The following ASPG variants were observed in gnomAD, a reference collection of about 807,000 sequenced individuals.
The protein encoded by ASPG is asparaginase.
ASPG carries 53 observed loss-of-function variants against 63.2 expected under a neutral mutation model. The ratio of observed to expected loss-of-function variants is 0.84; its 90% CI spans 0.67 to 1.05. The LOEUF (loss-of-function observed/expected upper bound fraction) is 1.05, where lower values mean the gene tolerates loss of function less well. Ranked by LOEUF, ASPG falls within the 50% of genes least tolerant of loss-of-function variation. The pLI is 0.00. For missense variants in ASPG, 741 were observed against 794.4 expected, an observed-to-expected ratio of 0.93 and a Z score of 0.81; for synonymous variants, 370 against 355.0, an observed-to-expected ratio of 1.04 and a Z score of -0.48.
rs1250008396 is a variant in ASPG, at chr14:104,114,493, G to C, written c.*1949G>C. The C allele has an allele frequency of 6.6e-6, 1 of 152,298 alleles. No homozygotes were observed. Among genetic ancestry groups the C allele is most frequent in the African/African-American group, 2.4e-5 (1 of 41,448 alleles). The allele number at this position is 152,298 out of a possible 1,614,324, so 9.4% of individuals were successfully genotyped here. A position where few individuals can be genotyped will look rare whatever the true frequency, so the allele number is the denominator to read the frequency against. ...CCGGGACTGGGCCAGTGTCTCAGGA[G>C]GCTGTGAAGAGTCATAGGCTTGAGT... On this transcript the variant is annotated 3_prime_UTR_variant, in exon 16 of 16. Coordinates refer to ENST00000551177, the MANE Select transcript of ASPG (RefSeq NM_001080464.3).
Position 104,093,570 on chromosome 14 carries a change from G to C in ASPG, c.271G>C (p.Ala91Pro). The C allele has an allele frequency of 6.2e-7, 1 of 1,612,118 alleles. No homozygotes were observed. The highest frequency in any genetic ancestry group is 8.5e-7 in the Non-Finnish European group (1 of 1,179,438). Residue 91 changes from alanine to proline, a missense_variant, in exon 3 of 16, where the codon GCT (alanine) becomes CCT (proline). By Grantham distance (27) the Ala-to-Pro change is conservative. Coordinates refer to ENST00000551177, the MANE Select transcript of ASPG (RefSeq NM_001080464.3). ...CTTCGACTCCAGTGACATGACCATC[G>C]CTGAGTGGGTTTGCCTTGCCCAGAC... is the stretch of plus-strand genomic sequence containing the variant. ...PLFDSSDMTIAEWVCLAQTIK... is the reference protein window; with the variant it reads ...PLFDSSDMTIPEWVCLAQTIK...
At chr14:104,102,547 T>G (rs907251809) in intron 6 of ASPG, among the ~76,000 whole-genome samples, 3 of 152,154 alleles carry the variant, frequency 2.0e-5, no homozygotes, top group Non-Finnish European at 4.4e-5. Context: ...CCAGGGTGTT[T>G]ACTGCCCTGG....
intron 12 of ASPG, 49 bp downstream of exon 12, chr14:104,107,394 A>G: frequency 7.4e-7 from 1 of 1,358,696 alleles, no homozygotes. Flanking sequence ...GTGGGCGCAG[A>G]GAGGCTGTGG....
At chr14:104,105,869 T>A (rs2037103113) in intron 10 of ASPG, among the ~76,000 whole-genome samples, 1 of 152,058 alleles carries the variant, frequency 6.6e-6, no homozygotes. Flanking sequence ...ACAACTGAGG[T>A]GCCCAGACCT....
At chr14:104,098,303 C>T (rs562366720) in intron 5 of ASPG, among the ~76,000 whole-genome samples, 10 of 152,156 alleles carry the variant, frequency 6.6e-5, no homozygotes, top group Admixed American at 1.3e-4. Context: ...GTGTCACTTT[C>T]CCTCCCCCAT....
chr14:104,105,789 G>C (rs1056538420), intron 10 of ASPG, among the ~76,000 whole-genome samples: 12 of 152,208 alleles, frequency 7.9e-5, no homozygotes, highest in Non-Finnish European at 1.5e-5. Flanking sequence ...GGCTCTCCCA[G>C]GCTCTGAGCA....
chr14:104,093,348 C>T, intron 2 of ASPG, 143 bp from the exon 3 acceptor site: 1 of 755,452 alleles, frequency 1.3e-6, no homozygotes, highest in Non-Finnish European at 2.3e-6. Flanking sequence ...ACCTGGGATG[C>T]TGAGAACTTG....
In ASPG at chr14:104,106,839, C is replaced by T; in HGVS notation, c.1214C>T (p.Ala405Val). 1 of 1,601,016 alleles carries T rather than the reference C, an allele frequency of 6.2e-7. No homozygotes were observed. Among genetic ancestry groups the T allele is most frequent in the Non-Finnish European group, 8.5e-7 (1 of 1,175,524 alleles). The change falls in exon 11 of 16, where the codon GCC becomes GTC. Residue 405 changes from alanine (A) to valine (V), a missense_variant. Ala to Val is a moderately conservative substitution (Grantham distance 64). Transcript: ENST00000551177. The part of the protein sequence containing the change: ...ALRNALVPSL[A>V]CAAAHAGDVE... ...CGGAATGCCCTGGTGCCCAGCCTGG[C>T]CTGTGCTGCTGCCCACGCCGGTGAC...
At chr14:104,096,169 C>T (rs1483955502) in intron 4 of ASPG, among the ~76,000 whole-genome samples, 1 of 152,184 alleles carries the variant, frequency 6.6e-6, no homozygotes, top group Non-Finnish European at 1.5e-5. Flanking sequence ...ATCCCATAAG[C>T]CAAGGCCAGT....
At position 104,107,229 on chromosome 14, in the gene ASPG, CG is replaced by C. The variant is rs1490493492; in HGVS notation, c.1318del (p.Ala440ArgfsTer21). On this transcript the variant is annotated frameshift_variant, in exon 12 of 16. Coordinates refer to ENST00000551177, the MANE Select transcript of ASPG (RefSeq NM_001080464.3). LOFTEE classifies it high-confidence loss of function. Reference protein sequence around the residue: ...VDFNGQTPLHAAARGGHTEAV... With the variant: ...VDFNGQTPLHXAARGGHTEAV... ...ACTTTAACGGCCAAACCCCACTGCA[CG>C]CGGCCGCCCGGGGAGGCCACACAGA... The C allele has an allele frequency of 6.2e-7, 1 of 1,603,908 alleles. No homozygotes were observed. Among genetic ancestry groups the C allele is most frequent in the Non-Finnish European group, 8.5e-7 (1 of 1,174,736 alleles).
chr14:104,106,673 C>A, intron 10 of ASPG, 126 bp from the exon 11 acceptor site: 1 of 856,252 alleles, frequency 1.2e-6, no homozygotes, highest in Non-Finnish European at 1.8e-6. Context: ...TTCCTTCTCA[C>A]CCACGCCCTG....
chr14:104,107,137 C>T (rs751773071), intron 11 of ASPG, 45 bp from the exon 12 acceptor site: 9 of 1,525,084 alleles, frequency 5.9e-6, no homozygotes, highest in East Asian at 2.3e-5. Context: ...TACCTGGCCC[C>T]GCCTGGGTCT....
At chr14:104,096,913 C>T (rs1460782204) in intron 4 of ASPG, among the ~76,000 whole-genome samples, 2 of 152,240 alleles carry the variant, frequency 1.3e-5, no homozygotes, top group African/African-American at 4.8e-5. Flanking sequence ...CTGGCCTCTG[C>T]ACCGCCACCT....
intron 11 of ASPG, 39 bp downstream of exon 11, chr14:104,106,933 G>T (rs753568846): frequency 1.3e-6 from 2 of 1,534,698 alleles, no homozygotes; most frequent in Non-Finnish European, 8.8e-7. Context: ...CCCCAGCCAC[G>T]CCTGGCCTGG....
chr14:104,103,562 G>T lies in ASPG; in HGVS notation c.641-1G>T, dbSNP rs2036976633. 3 of 1,547,924 alleles carry T rather than the reference G, an allele frequency of 1.9e-6. No individual in the cohort carries two copies. In the East Asian group the frequency reaches 7.3e-5, roughly 38 times the overall value. On this transcript the variant is annotated splice_acceptor_variant, in intron 6 of 15. Coordinates refer to ENST00000551177, the MANE Select transcript of ASPG (RefSeq NM_001080464.3). LOFTEE classifies it high-confidence loss of function. ...CCACACAGGCCCTTCCCTGTCCTCA[G>T]TCAACAGGGAGCTGGTGCGGAAGGT...
chr14:104,107,560 G>T (rs984034166), intron 12 of ASPG, among the ~76,000 whole-genome samples: 1 of 152,320 alleles, frequency 6.6e-6, no homozygotes, highest in Non-Finnish European at 1.5e-5. Context: ...AGGACACGGT[G>T]CATCTCTGTG....
chr14:104,092,648 C>G lies in ASPG; in HGVS notation c.98C>G (p.Thr33Arg). 6.5e-7 allele frequency: 1 copy of G among 1,536,126 alleles called. No homozygotes were observed. The change falls in exon 2 of 16, where the codon ACG becomes AGG. Residue 33 changes from threonine to arginine, a missense_variant. Thr to Arg is a moderately conservative substitution (Grantham distance 71, BLOSUM62 -1). Coordinates refer to ENST00000551177, the MANE Select transcript of ASPG (RefSeq NM_001080464.3). ...CTGCCTGCAGTGCTTGTGCCCGGGA[C>G]GGGCCTGGCTGCCATCCTGAGGACA... The part of the protein sequence containing the change: ...RSELGVLVPG[T>R]GLAAILRTLP...
At chr14:104,090,187 T>C (rs2036327471) in intron 1 of ASPG, among the ~76,000 whole-genome samples, 1 of 152,182 alleles carries the variant, frequency 6.6e-6, no homozygotes, top group Non-Finnish European at 1.5e-5. Context: ...ATTTCGCCTG[T>C]GGTGCCCACA....
Position 104,085,894 on chromosome 14 carries a change from C to T in ASPG, c.82+42C>T, listed in dbSNP as rs768259228. 26 of 1,529,796 alleles carry T rather than the reference C, an allele frequency of 1.7e-5. No homozygotes were observed. In the Admixed American group the frequency reaches 5.1e-4, roughly 30 times the overall value. The allele number at this position is 1,529,796 out of a possible 1,614,324, so 94.8% of individuals were successfully genotyped here. A position where few individuals can be genotyped will look rare whatever the true frequency, so the allele number is the denominator to read the frequency against. On this transcript the variant is annotated intron_variant, in intron 1 of 15. Coordinates refer to ENST00000551177, the MANE Select transcript of ASPG (RefSeq NM_001080464.3). ...GGGCGGGGTAGGCCTCTGGACCTGG[C>T]CGCGACCGGGAGCCTCGGACCCTCC... is the stretch of plus-strand genomic sequence containing the variant.
Sources: gnomAD v4.1 joint callset for allele counts (sites outside exome capture counted in the v4.1 genomes callset) on GRCh38, gnomAD v4.1.1 for gene constraint, MANE v1.5 for transcripts, NCBI Gene and HGNC (gene_info 2026-07-23, HGNC 2026-07-21) for gene names.